The following ORC5 variants were observed in gnomAD, a reference collection of about 807,000 sequenced individuals.
The protein encoded by ORC5 is origin recognition complex subunit 5.
A neutral mutation model predicts 58.8 loss-of-function variants in ORC5; 39 were observed. The ratio of observed to expected loss-of-function variants is 0.66; its 90% CI spans 0.51 to 0.87. The LOEUF (loss-of-function observed/expected upper bound fraction) is 0.87. ORC5 is among the 40% of genes least tolerant of loss of function. The pLI, the probability that ORC5 is intolerant of heterozygous loss-of-function variation, is 0.00. For synonymous variants in ORC5, 218 were observed against 177.6 expected, an observed-to-expected ratio of 1.23 and a Z score of -1.81; for missense variants, 493 against 506.3, an observed-to-expected ratio of 0.97 and a Z score of 0.25.
chr7:104,170,479 C>G (rs1304915806), intron 8 of ORC5, among the ~76,000 whole-genome samples: 1 of 152,142 alleles, frequency 6.6e-6, no homozygotes, highest in African/African-American at 2.4e-5. Context: ...ACACTGCTAG[C>G]TTAGAAGATG....
chr7:104,180,605 G>C (rs995037600), intron 8 of ORC5, among the ~76,000 whole-genome samples: 2 of 145,250 alleles, frequency 1.4e-5, no homozygotes, highest in African/African-American at 5.0e-5. Context: ...AACTAACTTG[G>C]ATTTTCTAGC....
At position 104,128,217 on chromosome 7, in the gene ORC5, G is replaced by A. The variant is rs1475447786; in HGVS notation, c.1263-1324C>T. On this transcript the variant is annotated intron_variant, in intron 13 of 13. Transcript: ENST00000297431. ...GGCTCACTGCAACCTCCACCTCCCC[G>A]GTTCAAGCAATTCTCCTGCCTCAGC... 4.6e-5 allele frequency among the ~76,000 whole-genome samples: 7 copies of A among 152,202 alleles called. No individual in the cohort carries two copies. In the East Asian group the frequency reaches 9.6e-4, roughly 21 times the overall value.
In ORC5 at chr7:104,168,474, T is replaced by C. The variant is rs371606183; in HGVS notation, c.876A>G (p.Lys292=). 2.2e-5 allele frequency: 35 copies of C among 1,606,496 alleles called. No homozygotes were observed. In the African/African-American group the frequency reaches 4.4e-4, roughly 20 times the overall value. The change falls in exon 9 of 14, where the codon AAA becomes AAG. Residue 292 remains lysine (K), a splice_region_variant and synonymous_variant. Coordinates refer to ENST00000297431, the MANE Select transcript of ORC5 (RefSeq NM_002553.4). ...CTGTCTCAATACTTCCTCTGATACC[T>C]TTCAGTTGCCCCGGATCTGTGTCAT... ...QKDDTDPGQL[K]GLSAHTHVEL...
intron 13 of ORC5, among the ~76,000 whole-genome samples, chr7:104,128,563 G>A (rs1053124410): frequency 1.3e-5 from 2 of 151,546 alleles, no homozygotes; most frequent in Non-Finnish European, 2.9e-5. Context: ...TAGGGTACAT[G>A]TGCACAATGT....
At chr7:104,130,125 T>C (rs1453681264) in intron 13 of ORC5, among the ~76,000 whole-genome samples, 1 of 152,120 alleles carries the variant, frequency 6.6e-6, no homozygotes, top group Non-Finnish European at 1.5e-5. Context: ...ATTTATCTTA[T>C]AGTGTCTTCC....
At chr7:104,171,847 C>T (rs1799217109) in intron 8 of ORC5, among the ~76,000 whole-genome samples, 1 of 152,026 alleles carries the variant, frequency 6.6e-6, no homozygotes, top group Non-Finnish European at 1.5e-5. Flanking sequence ...ACAATGGGAC[C>T]CTGTCTCAAA....
chr7:104,148,942 G>A (rs1429860397), intron 12 of ORC5, among the ~76,000 whole-genome samples: 1 of 151,840 alleles, frequency 6.6e-6, no homozygotes, highest in Non-Finnish European at 1.5e-5. Context: ...GCTGAGGCAG[G>A]AGAATCGCTT....
intron 8 of ORC5, among the ~76,000 whole-genome samples, chr7:104,170,343 G>A (rs1348211709): frequency 1.3e-5 from 2 of 152,128 alleles, no homozygotes; most frequent in African/African-American, 4.8e-5. Context: ...GGGTAAAAGG[G>A]ACTTAGCAGA....
chr7:104,184,741 G>A (rs761513513), intron 6 of ORC5, among the ~76,000 whole-genome samples: 4 of 152,162 alleles, frequency 2.6e-5, no homozygotes, highest in Non-Finnish European at 5.9e-5. Flanking sequence ...GAAAACAGCA[G>A]ATGCAAACAG....
intron 13 of ORC5, among the ~76,000 whole-genome samples, chr7:104,130,366 C>T (rs1413350794): frequency 6.6e-6 from 1 of 152,090 alleles, no homozygotes; most frequent in South Asian, 2.1e-4. Context: ...GGTTATTTTC[C>T]CCTTCCAGGC....
chr7:104,154,154 A>G (rs986775411), intron 12 of ORC5, among the ~76,000 whole-genome samples: 1 of 152,110 alleles, frequency 6.6e-6, no homozygotes, highest in African/African-American at 2.4e-5. Flanking sequence ...ATACTAGGCC[A>G]TATACAATAT....
chr7:104,174,331 T>A (rs1799278160), intron 8 of ORC5, among the ~76,000 whole-genome samples: 1 of 152,186 alleles, frequency 6.6e-6, no homozygotes, highest in African/African-American at 2.4e-5. Flanking sequence ...TCTAAAACAC[T>A]GGTCCAAATG....
intron 8 of ORC5, among the ~76,000 whole-genome samples, chr7:104,175,113 G>C (rs1186695517): frequency 6.6e-6 from 1 of 152,140 alleles, no homozygotes; most frequent in Non-Finnish European, 1.5e-5. Flanking sequence ...AAACTTGCCT[G>C]TCTCTCCTTC....
At chr7:104,153,302 G>A (rs1357298150) in intron 12 of ORC5, among the ~76,000 whole-genome samples, 2 of 152,100 alleles carry the variant, frequency 1.3e-5, no homozygotes, top group Admixed American at 6.6e-5. Context: ...TCCACACCAG[G>A]GGTAGTAGGA....
Position 104,168,491 on chromosome 7 carries a change from C to T in ORC5, c.859G>A (p.Asp287Asn). ...QWEKLQKDDT[D>N]PGQLKGLSAH... ...CTGATACCTTTCAGTTGCCCCGGAT[C>T]TGTGTCATCTTTCTGTAGCTTTTCC... The change falls in exon 9 of 14, where the codon GAT (aspartate) becomes AAT (asparagine). Residue 287 changes from aspartate (D) to asparagine (N), a missense_variant. This residue lies in a region of ORC5 where 412 missense variants were observed against 403.7 expected (regional missense o/e 1.02). Coordinates refer to ENST00000297431, the MANE Select transcript of ORC5 (RefSeq NM_002553.4). 6.3e-7 allele frequency: 1 copy of T among 1,593,430 alleles called. No individual in the cohort carries two copies.
chr7:104,174,730 G>C (rs776320635), intron 8 of ORC5, among the ~76,000 whole-genome samples: 12 of 152,198 alleles, frequency 7.9e-5, no homozygotes, highest in Non-Finnish European at 1.6e-4. Flanking sequence ...CTCAGGAGTT[G>C]GGTAGGTAAG....
intron 1 of ORC5, among the ~76,000 whole-genome samples, chr7:104,204,625 C>G (rs1280403806): frequency 2.0e-5 from 3 of 152,114 alleles, no homozygotes; most frequent in African/African-American, 7.2e-5. Flanking sequence ...GATGCCACAA[C>G]TTCACTATAC....
chr7:104,182,794 TTTTAC>T (rs1243538173), intron 8 of ORC5, among the ~76,000 whole-genome samples: 4 of 152,148 alleles, frequency 2.6e-5, no homozygotes, highest in African/African-American at 9.7e-5. Context: ...TTACTATACA[TTTTAC>T]TTTGTATTTT....
At chr7:104,160,939 A>C in intron 12 of ORC5, 133 bp downstream of exon 12, 1 of 596,998 alleles carries the variant, frequency 1.7e-6, no homozygotes, top group East Asian at 3.2e-5. Flanking sequence ...ATTACTTACC[A>C]AAAACATGGT....
Sources: allele counts gnomAD v4.1 joint callset (sites outside exome capture counted in the v4.1 genomes callset), GRCh38; gene constraint gnomAD v4.1.1; regional missense constraint gnomAD v4.1.1; transcripts MANE v1.5; gene names NCBI Gene and HGNC (gene_info 2026-07-23, HGNC 2026-07-21).